Variants in ZNF532 observed in about 807,000 individuals in gnomAD.
ZNF532 encodes zinc finger protein 532.
In ZNF532, 22 loss-of-function variants were observed where a neutral mutation model predicts 89.3. The observed-to-expected ratio is 0.25, with a 90% CI of 0.18 to 0.35. The LOEUF (loss-of-function observed/expected upper bound fraction) is 0.35. Ranked by LOEUF, ZNF532 falls within the 10% of genes least tolerant of loss-of-function variation. The pLI is 1.00. For missense variants in ZNF532, 1,132 were observed against 1,643.4 expected, an observed-to-expected ratio of 0.69 and a Z score of 5.38; for synonymous variants, 606 against 649.6, an observed-to-expected ratio of 0.93 and a Z score of 1.02.
chr18:58,955,226 T>C (rs2064646776), intron 7 of ZNF532, among the ~76,000 whole-genome samples: 1 of 152,166 alleles, frequency 6.6e-6, no homozygotes, highest in Admixed American at 6.5e-5. Context: ...CACTGCACTC[T>C]ACCCTGGGCG....
intron 7 of ZNF532, among the ~76,000 whole-genome samples, chr18:58,966,193 G>T (rs895931689): frequency 3.3e-5 from 5 of 152,140 alleles, no homozygotes; most frequent in African/African-American, 1.2e-4. Flanking sequence ...AAGCTATTTA[G>T]AGGATTTTGC....
chr18:58,920,482 C>T lies in ZNF532; in HGVS notation c.2195C>T (p.Ser732Leu). The change falls in exon 3 of 10, where the codon TCA (serine) becomes TTA (leucine). Residue 732 changes from serine (S) to leucine (L), a missense_variant. By Grantham distance (145) the Ser-to-Leu change is moderately radical (BLOSUM62 -2). Around this residue, in one of 9 missense-constraint regions of ZNF532, gnomAD observed 100 missense variants for 122.0 expected, o/e 0.82. Coordinates refer to ENST00000591808, the MANE Select transcript of ZNF532 (RefSeq NM_001375912.1). ...ACTGGGACAGTCATATCGGCTCCTTCAAGCACTCCCATCACCCCAGCCATG... is the reference window on the plus strand; with the variant it reads ...ACTGGGACAGTCATATCGGCTCCTTTAAGCACTCCCATCACCCCAGCCATG... ...GITGTVISAP[S>L]STPITPAMPL... 6.2e-7 allele frequency: 1 copy of T among 1,613,964 alleles called. No individual in the cohort carries two copies. Among genetic ancestry groups the T allele is most frequent in the Non-Finnish European group, 8.5e-7 (1 of 1,179,856 alleles).
chr18:58,919,210 C>T lies in ZNF532; in HGVS notation c.923C>T (p.Pro308Leu), dbSNP rs139878452. The T allele has an allele frequency of 1.8e-3, 2,837 of 1,614,052 alleles. 3 individuals are homozygous for T. The highest frequency in any genetic ancestry group is 2.2e-3 in the Non-Finnish European group (2,581 of 1,179,960). ...SPLPKEVNDS[P>L]RAADKSPESQ... The stretch of plus-strand genomic sequence containing the variant: ...TTACCAAAAGAAGTAAATGACAGTC[C>T]GAGAGCCGCTGACAAGTCTCCTGAA... Residue 308 changes from proline (P) to leucine (L), a missense_variant, in exon 3 of 10, where the codon CCG becomes CTG. Physicochemically the swap from Pro to Leu is moderately conservative, Grantham distance 98. Coordinates refer to ENST00000591808, the MANE Select transcript of ZNF532 (RefSeq NM_001375912.1). The surrounding 1 kb of genome is among the most constrained non-coding windows in gnomAD (Gnocchi z 6.1).
At chr18:58,921,914 TG>T (rs2061118836) in intron 3 of ZNF532, among the ~76,000 whole-genome samples, 1 of 152,134 alleles carries the variant, frequency 6.6e-6, no homozygotes, top group Admixed American at 6.5e-5. Flanking sequence ...GAGACCAGCC[TG>T]GGCAACATGG....
intron 2 of ZNF532, among the ~76,000 whole-genome samples, chr18:58,870,834 G>T (rs2056919665): frequency 6.6e-6 from 1 of 152,102 alleles, no homozygotes; most frequent in Non-Finnish European, 1.5e-5. Flanking sequence ...TGGGTGTTCT[G>T]TCTTTGAGAT....
Position 58,931,342 on chromosome 18 carries a change from C to T in ZNF532, c.2347-3091C>T, listed in dbSNP as rs766516813. On this transcript the variant is annotated intron_variant, in intron 3 of 9. Coordinates refer to ENST00000591808, the MANE Select transcript of ZNF532 (RefSeq NM_001375912.1). ...AGTAAGGAAAGTCAGTCATTACAGGCCACAAAGAGATCCTTGTGTGCCCTC... is the reference window on the plus strand; with the variant it reads ...AGTAAGGAAAGTCAGTCATTACAGGTCACAAAGAGATCCTTGTGTGCCCTC... Among the ~76,000 whole-genome samples the T allele has an allele frequency of 3.9e-4, 59 of 152,132 alleles. 1 individual carries two copies. Among genetic ancestry groups the T allele is most frequent in the Non-Finnish European group, 7.2e-4 (49 of 68,028 alleles).
intron 7 of ZNF532, among the ~76,000 whole-genome samples, chr18:58,960,633 G>A (rs1312145459): frequency 6.6e-6 from 1 of 152,222 alleles, no homozygotes. Context: ...CAGTTGGTAG[G>A]TAGAATAACC....
At chr18:58,916,514 T>C (rs370769580) in intron 2 of ZNF532, among the ~76,000 whole-genome samples, 2 of 152,272 alleles carry the variant, frequency 1.3e-5, no homozygotes, top group African/African-American at 2.4e-5. Context: ...GGCGCCCCTC[T>C]GAGAGAAGAG....
chr18:58,934,726 A>C, intron 4 of ZNF532, 112 bp downstream of exon 4: 1 of 1,046,464 alleles, frequency 9.6e-7, no homozygotes, highest in South Asian at 1.6e-5. Flanking sequence ...TACCTCGATT[A>C]ACAGATCCTC....
intron 2 of ZNF532, among the ~76,000 whole-genome samples, chr18:58,872,742 C>T (rs7236329): frequency 0.21 from 31,095 of 148,506 alleles, 5,584 homozygotes; most frequent in East Asian, 0.55. Context: ...CTGTGTCGCT[C>T]AGGCTGGAGT....
chr18:58,888,193 ATAGT>A (rs1396331793), intron 2 of ZNF532, among the ~76,000 whole-genome samples: 3 of 152,218 alleles, frequency 2.0e-5, no homozygotes, highest in Non-Finnish European at 4.4e-5. Context: ...AAACTTTTAG[ATAGT>A]TCATTAATAA....
intron 9 of ZNF532, 148 bp from the exon 10 acceptor site, chr18:58,983,824 G>A: frequency 4.4e-6 from 4 of 905,594 alleles, no homozygotes; most frequent in East Asian, 2.5e-5. Flanking sequence ...GCCTCCGGGT[G>A]GGGTGGCAGA....
rs1373585994 is a variant in ZNF532 at position 58,958,354 on chromosome 18, G to A, written c.3150+4555G>A. On this transcript the variant is annotated intron_variant, in intron 7 of 9. Coordinates refer to ENST00000591808, the MANE Select transcript of ZNF532 (RefSeq NM_001375912.1). ...AAAAAGAAAAACAGTTAAAGCAGCAGCATTTTAAGAAGTTCTTGTTACAAA... is the reference window on the plus strand; with the variant it reads ...AAAAAGAAAAACAGTTAAAGCAGCAACATTTTAAGAAGTTCTTGTTACAAA... Among the ~76,000 whole-genome samples, 6 of 152,174 alleles carry A rather than the reference G, an allele frequency of 3.9e-5. No individual in the cohort carries two copies. In the East Asian group the frequency reaches 1.2e-3, roughly 29 times the overall value.
chr18:58,869,443 A>G lies in ZNF532; in HGVS notation c.-18+3864A>G, dbSNP rs573849579. 2.8e-4 allele frequency among the ~76,000 whole-genome samples: 42 copies of G among 152,316 alleles called. No individual in the cohort carries two copies. In the South Asian group the frequency reaches 8.3e-3, roughly 30 times the overall value. Reference sequence around the variant, plus strand: ...AAAATATCCTTTATTTCCTGCAGCAATTATTTTTAATCTCTTCGGAAACAT... The same window carrying G: ...AAAATATCCTTTATTTCCTGCAGCAGTTATTTTTAATCTCTTCGGAAACAT... On this transcript the variant is annotated intron_variant, in intron 2 of 9. Coordinates refer to ENST00000591808, the MANE Select transcript of ZNF532 (RefSeq NM_001375912.1).
intron 2 of ZNF532, among the ~76,000 whole-genome samples, chr18:58,902,034 T>C (rs1318363253): frequency 6.6e-6 from 1 of 152,174 alleles, no homozygotes; most frequent in Non-Finnish European, 1.5e-5. Flanking sequence ...CCATGCCTGT[T>C]CTCCTCCAGC....
chr18:58,983,194 G>A (rs987901568), intron 9 of ZNF532, among the ~76,000 whole-genome samples: 2 of 152,190 alleles, frequency 1.3e-5, no homozygotes, highest in African/African-American at 4.8e-5. Context: ...GAAAAGCTGG[G>A]GCACAGAGTG....
At chr18:58,955,798 C>T (rs768108147) in intron 7 of ZNF532, among the ~76,000 whole-genome samples, 6 of 152,182 alleles carry the variant, frequency 3.9e-5, no homozygotes, top group Non-Finnish European at 8.8e-5. Flanking sequence ...CTCAGGCTTT[C>T]CTACTAGCAT....
intron 2 of ZNF532, among the ~76,000 whole-genome samples, chr18:58,899,804 A>T (rs2059486039): frequency 6.6e-6 from 1 of 152,156 alleles, no homozygotes; most frequent in African/African-American, 2.4e-5. Flanking sequence ...GACCAGCTGT[A>T]TTGAACTTTT....
chr18:58,929,366 T>A (rs1021582460), intron 3 of ZNF532, among the ~76,000 whole-genome samples: 1 of 152,198 alleles, frequency 6.6e-6, no homozygotes, highest in African/African-American at 2.4e-5. Context: ...CTAACTGTAT[T>A]CTCGTGAGCA....
Sources: gnomAD v4.1 joint callset for allele counts (sites outside exome capture counted in the v4.1 genomes callset) on GRCh38, gnomAD v4.1.1 for gene constraint, gnomAD v4.1.1 regional missense constraint, Gnocchi (gnomAD v3.1) non-coding constraint, MANE v1.5 for transcripts, NCBI Gene and HGNC (gene_info 2026-07-23, HGNC 2026-07-21) for gene names.